Variants in SLITRK3 observed in about 807,000 individuals in gnomAD.
SLITRK3 encodes SLIT and NTRK like family member 3.
A neutral mutation model predicts 63.6 loss-of-function variants in SLITRK3; 16 were observed. That is an observed-to-expected ratio of 0.25 (90% CI 0.17 to 0.38). The LOEUF (loss-of-function observed/expected upper bound fraction) is 0.38, where lower values mean the gene tolerates loss of function less well. Among genes scored for constraint, SLITRK3 ranks in the 10% least tolerant of loss-of-function variants. SLITRK3 has a pLI of 1.00. For synonymous variants in SLITRK3, 547 were observed against 451.6 expected, an observed-to-expected ratio of 1.21 and a Z score of -2.68; for missense variants, 1,117 against 1,181.4, an observed-to-expected ratio of 0.95 and a Z score of 0.80.
intron 1 of SLITRK3, among the ~76,000 whole-genome samples, chr3:165,194,652 C>A (rs1012785261): frequency 6.6e-6 from 1 of 152,100 alleles, no homozygotes; most frequent in Admixed American, 6.5e-5. Context: ...TTTGGGTACC[C>A]AATGTGCAGA....
Position 165,195,999 on chromosome 3 carries a change from A to ATTTCTCTC in SLITRK3, c.-449_-442dup, listed in dbSNP as rs1338263868. Reference sequence around the variant, plus strand: ...CCGAGAGCCTGAGCTCAGTCTCTGGATTTCTCTCTTTCTCTCTTCCTCAAA... The same window carrying ATTTCTCTC: ...CCGAGAGCCTGAGCTCAGTCTCTGGATTTCTCTCTTTCTCTCTTTCTCTCTTCCTCAAA... On this transcript the variant is annotated 5_prime_UTR_variant, in exon 1 of 2. Transcript: ENST00000475390. 3.3e-5 allele frequency: 5 copies of ATTTCTCTC among 152,672 alleles called. No homozygotes were observed. The highest frequency in any genetic ancestry group is 9.6e-5 in the African/African-American group (4 of 41,518). The allele number at this position is 152,672 out of a possible 1,614,324, so 9.5% of individuals were successfully genotyped here. A position where few individuals can be genotyped will look rare whatever the true frequency, so the allele number is the denominator to read the frequency against.
intron 1 of SLITRK3, among the ~76,000 whole-genome samples, chr3:165,195,317 C>T (rs1404825707): frequency 6.6e-6 from 1 of 152,130 alleles, no homozygotes; most frequent in African/African-American, 2.4e-5. Flanking sequence ...GTCCTTCGCT[C>T]CGCCACCTGG....
rs1718079855 is a variant in SLITRK3 at position 165,189,026 on chromosome 3, A to G, written c.1805T>C (p.Val602Ala). The change falls in exon 2 of 2, where the codon GTG (valine) becomes GCG (alanine). Residue 602 changes from valine to alanine, a missense_variant. Physicochemically the swap from Val to Ala is moderately conservative, Grantham distance 64. Transcript: ENST00000475390. This position sits in a 1 kb window ranked among gnomAD's most constrained non-coding sequence, Gnocchi z 4.0. Reference sequence around the variant, plus strand: ...AAGAACTTCCAGCTCAATAGTGCGCACATCACGGTGCGTGAGGTTCTCAGG... The same window carrying G: ...AAGAACTTCCAGCTCAATAGTGCGCGCATCACGGTGCGTGAGGTTCTCAGG... Reference protein sequence around the residue: ...RSPENLTHRDVRTIELEVLCP... With the variant: ...RSPENLTHRDARTIELEVLCP... The G allele has an allele frequency of 6.2e-7, 1 of 1,614,098 alleles. No homozygotes were observed. Among genetic ancestry groups the G allele is most frequent in the Non-Finnish European group, 8.5e-7 (1 of 1,180,040 alleles).
In SLITRK3 at chr3:165,188,678, C is replaced by T. The variant is rs1422945931; in HGVS notation, c.2153G>A (p.Gly718Glu). The T allele has an allele frequency of 6.2e-7, 1 of 1,613,502 alleles. No homozygotes were observed. Among genetic ancestry groups the T allele is most frequent in the South Asian group, 1.1e-5 (1 of 91,076 alleles). ...AGTTGGTCGACCACCACCCCCACTT[C>T]CGCCACCACCACCTCCACCATCCTC... ...LFEDGGGGGG[G>E]SGGGGRPTLS... Residue 718 changes from glycine to glutamate, a missense_variant, in exon 2 of 2, where the codon GGA becomes GAA. Physicochemically the swap from Gly to Glu is moderately conservative, Grantham distance 98. Coordinates refer to ENST00000475390, the MANE Select transcript of SLITRK3 (RefSeq NM_001318810.2).
upstream of SLITRK3, chr3:165,196,818 C>A (rs2108213419): frequency 6.6e-6 from 1 of 151,316 alleles, no homozygotes; most frequent in Non-Finnish European, 1.5e-5. Context: ...CCGCCGCAGT[C>A]CTCTCGCCGC....
Position 165,188,923 on chromosome 3 carries a change from TG to T in SLITRK3, c.1907del (p.Pro636GlnfsTer21). On this transcript the variant is annotated frameshift_variant, in exon 2 of 2. Transcript: ENST00000475390. LOFTEE classifies it high-confidence loss of function. The part of the protein sequence containing the change: ...QPGDSHLIGA[P>X]TSASPYEFSP... ...AAAACTCATAAGGTGATGCACTGGT[TG>T]GTGCCCCAATAAGGTGAGAATCTCC... 1 of 1,614,154 alleles carries T rather than the reference TG, an allele frequency of 6.2e-7. No homozygotes were observed. Among genetic ancestry groups the T allele is most frequent in the Non-Finnish European group, 8.5e-7 (1 of 1,180,006 alleles).
chr3:165,187,735 T>C lies in SLITRK3; in HGVS notation c.*162A>G. 1 of 577,622 alleles carries C rather than the reference T, an allele frequency of 1.7e-6. No homozygotes were observed. The allele number at this position is 577,622 out of a possible 1,614,324, so 35.8% of individuals were successfully genotyped here. A position where few individuals can be genotyped will look rare whatever the true frequency, so the allele number is the denominator to read the frequency against. ...CGCATCTGAGAGGGGAGAGCATACA[T>C]CTGTATTCTCTAGTTATCATGCGGT... On this transcript the variant is annotated 3_prime_UTR_variant, in exon 2 of 2. Transcript: ENST00000475390.
In SLITRK3 at chr3:165,188,073, T is replaced by C. The variant is rs1304720310; in HGVS notation, c.2758A>G (p.Met920Val). The change falls in exon 2 of 2, where the codon ATG (methionine) becomes GTG (valine). Residue 920 changes from methionine to valine, a missense_variant. Met to Val is a conservative substitution (Grantham distance 21, BLOSUM62 1). Around this residue, in one of 4 missense-constraint regions of SLITRK3, gnomAD observed 499 missense variants for 463.6 expected, o/e 1.08. Coordinates refer to ENST00000475390, the MANE Select transcript of SLITRK3 (RefSeq NM_001318810.2). ...LKELHVHPPGMQYPDLQQDAR... is the reference protein window; with the variant it reads ...LKELHVHPPGVQYPDLQQDAR... ...TCCTGCTGTAAGTCTGGGTATTGCA[T>C]GCCAGGAGGGTGCACGTGCAGTTCC... The C allele has an allele frequency of 6.2e-7, 1 of 1,613,862 alleles. No homozygotes were observed.
intron 1 of SLITRK3, among the ~76,000 whole-genome samples, chr3:165,193,106 AGTGTGTGTGTGT>A (rs35240347): frequency 4.9e-5 from 7 of 143,342 alleles, no homozygotes; most frequent in Admixed American, 1.4e-4. Flanking sequence ...CAGTTGAGTG[AGTGTGTGTGTGT>A]GTGTGTGTGT....
At chr3:165,197,095 C>G (rs890136850), upstream of SLITRK3, 2 of 152,048 alleles carry the variant, frequency 1.3e-5, no homozygotes, top group Non-Finnish European at 2.9e-5. Context: ...ATTCTGTACC[C>G]GTGGATTGAT....
chr3:165,193,695 A>G (rs1345473393), intron 1 of SLITRK3, among the ~76,000 whole-genome samples: 1 of 152,130 alleles, frequency 6.6e-6, no homozygotes, highest in Non-Finnish European at 1.5e-5. Context: ...AGACAAGCCA[A>G]TTCTCTGGAA....
At chr3:165,191,834 C>G (rs994509454) in intron 1 of SLITRK3, among the ~76,000 whole-genome samples, 5 of 152,146 alleles carry the variant, frequency 3.3e-5, no homozygotes, top group African/African-American at 9.7e-5. Context: ...AGAGTGGAAA[C>G]CTCTATTCTT....
chr3:165,190,072 A>G lies in SLITRK3; in HGVS notation c.759T>C (p.Thr253=), dbSNP rs2108208352. Residue 253 remains threonine (T), a synonymous_variant, in exon 2 of 2, where the codon ACT becomes ACC. Coordinates refer to ENST00000475390, the MANE Select transcript of SLITRK3 (RefSeq NM_001318810.2). ...LKSWLERIPY[T]ALVGDITCET... ...CACAGGTAATGTCTCCCACCAGGGC[A>G]GTATAAGGAATGCGTTCCAGCCAAC... 6.2e-7 allele frequency: 1 copy of G among 1,614,148 alleles called. No homozygotes were observed. The highest frequency in any genetic ancestry group is 8.5e-7 in the Non-Finnish European group (1 of 1,180,026).
intron 1 of SLITRK3, among the ~76,000 whole-genome samples, chr3:165,195,239 T>A (rs1718375990): frequency 6.6e-6 from 1 of 152,086 alleles, no homozygotes; most frequent in Admixed American, 6.5e-5. Flanking sequence ...AAACGGAAAA[T>A]TATTAAAAGC....
At chr3:165,192,329 A>G (rs62282367) in intron 1 of SLITRK3, among the ~76,000 whole-genome samples, 12,875 of 152,216 alleles carry the variant, frequency 0.085, 593 homozygotes, top group South Asian at 0.13. Flanking sequence ...AATTCAGTGA[A>G]AAAGAGGGAG....
intron 1 of SLITRK3, among the ~76,000 whole-genome samples, chr3:165,191,349 T>C (rs1312836089): frequency 1.3e-5 from 2 of 152,206 alleles, no homozygotes; most frequent in Non-Finnish European, 2.9e-5. Context: ...ACTCCAAAAT[T>C]ATTATATTGA....
In SLITRK3 at chr3:165,189,163, C is replaced by G; in HGVS notation, c.1668G>C (p.Gln556His). Residue 556 changes from glutamine to histidine, a missense_variant, in exon 2 of 2, where the codon CAG becomes CAC. Gln to His is a conservative substitution (Grantham distance 24, BLOSUM62 0). Coordinates refer to ENST00000475390, the MANE Select transcript of SLITRK3 (RefSeq NM_001318810.2). The surrounding 1 kb of genome is among the most constrained non-coding windows in gnomAD (Gnocchi z 4.0). Reference sequence around the variant, plus strand: ...CCCAAGGATTCTCATTGAGGTCTATCTGGACAATGGCATTCAAGTGTTCCA... The same window carrying G: ...CCCAAGGATTCTCATTGAGGTCTATGTGGACAATGGCATTCAAGTGTTCCA... ...GVLEHLNAIV[Q>H]IDLNENPWDC... The G allele has an allele frequency of 6.2e-7, 1 of 1,614,182 alleles. No homozygotes were observed. The highest frequency in any genetic ancestry group is 1.1e-5 in the South Asian group (1 of 91,086).
chr3:165,193,276 ATTTT>A, intron 1 of SLITRK3, among the ~76,000 whole-genome samples: 1 of 114,848 alleles, frequency 8.7e-6, no homozygotes, highest in South Asian at 3.5e-4. Context: ...AGGGATAGGC[ATTTT>A]CTTTCTTTCT....
chr3:165,196,926 T>TCTCTCTCTCTCTCTCTCTCTCTCTCC (rs1560057640), upstream of SLITRK3: 1 of 31,112 alleles, frequency 3.2e-5, no homozygotes, highest in Non-Finnish European at 8.3e-5. Context: ...TCTCTCTCTC[T>TCTCTCTCTCTCTCTCTCTCTCTCTCC]CCTCTCTCTG....
Sources: gnomAD v4.1 joint callset for allele counts (sites outside exome capture counted in the v4.1 genomes callset) on GRCh38, gnomAD v4.1.1 for gene constraint, gnomAD v4.1.1 regional missense constraint, Gnocchi (gnomAD v3.1) non-coding constraint, MANE v1.5 for transcripts, NCBI Gene and HGNC (gene_info 2026-07-23, HGNC 2026-07-21) for gene names.